Variants in RPH3AL observed in about 807,000 individuals in gnomAD.
RPH3AL encodes the protein rab effector Noc2.
Under a neutral mutation model 43.1 loss-of-function variants are expected in RPH3AL, and 38 were observed. The observed-to-expected ratio is 0.88, with a 90% confidence interval of 0.68 to 1.15. The LOEUF (loss-of-function observed/expected upper bound fraction) is 1.15, where lower values mean the gene tolerates loss of function less well. Ranked by LOEUF, RPH3AL falls within the 50% of genes most tolerant of loss-of-function variation. RPH3AL has a pLI of 0.00. For synonymous variants in RPH3AL, 189 were observed against 176.3 expected (o/e 1.07, Z -0.57); for missense variants, 462 against 423.2 (o/e 1.09, Z -0.81).
intron 9 of RPH3AL, among the ~76,000 whole-genome samples, chr17:214,976 C>G (rs1258221795): frequency 6.6e-6 from 1 of 152,078 alleles, no homozygotes; most frequent in Non-Finnish European, 1.5e-5. Flanking sequence ...CTCCTGGGAG[C>G]CATCGAGTGG....
chr17:286,395 C>G (rs1029356077), intron 5 of RPH3AL, among the ~76,000 whole-genome samples: 4 of 152,000 alleles, frequency 2.6e-5, no homozygotes, highest in African/African-American at 9.7e-5. Flanking sequence ...GGTCAGTTCT[C>G]CACCTCAGCC....
At chr17:280,579 G>A (rs998934083) in intron 6 of RPH3AL, among the ~76,000 whole-genome samples, 3 of 152,108 alleles carry the variant, frequency 2.0e-5, no homozygotes, top group Non-Finnish European at 2.9e-5. Context: ...AGAGAGAAAC[G>A]GACTATTATC....
intron 7 of RPH3AL, among the ~76,000 whole-genome samples, chr17:240,778 G>A (rs962050631): frequency 9.2e-5 from 14 of 152,200 alleles, no homozygotes; most frequent in Middle Eastern, 3.4e-3. Context: ...AATCGTCTTC[G>A]GCCGGGCACG....
At chr17:337,055 G>A (rs1486130840) in intron 1 of RPH3AL, among the ~76,000 whole-genome samples, 1 of 152,162 alleles carries the variant, frequency 6.6e-6, no homozygotes, top group Non-Finnish European at 1.5e-5. Context: ...TACCCCTTCA[G>A]GGGACTAATT....
chr17:329,336 T>C (rs1411285883), intron 2 of RPH3AL, among the ~76,000 whole-genome samples: 2 of 151,766 alleles, frequency 1.3e-5, no homozygotes, highest in African/African-American at 2.4e-5. Flanking sequence ...ATTAGCTGGG[T>C]GTGGTGGCGA....
At position 339,837 on chromosome 17, in the gene RPH3AL, C is replaced by T. The variant is rs929120722; in HGVS notation, c.-212-5903G>A. ...CAGAGTTCCCAGAAACTGTAAGTCG[C>T]GCAGTAATTGGCCAAACGGGAGTTC... On this transcript the variant is annotated intron_variant, in intron 1 of 9. Transcript: ENST00000331302. 3.3e-5 allele frequency among the ~76,000 whole-genome samples: 5 copies of T among 152,290 alleles called. No homozygotes were observed. The East Asian group carries it at 5.8e-4, about 18-fold the overall frequency.
intron 6 of RPH3AL, among the ~76,000 whole-genome samples, chr17:273,144 A>T (rs1267852649): frequency 3.1e-5 from 1 of 32,338 alleles, no homozygotes; most frequent in African/African-American, 8.6e-5. Flanking sequence ...GAGAGACCCC[A>T]GCGAGGGTGA....
chr17:264,081 C>T lies in RPH3AL; in HGVS notation c.439-16796G>A, dbSNP rs2042263440. On this transcript the variant is annotated intron_variant, in intron 6 of 9. Coordinates refer to ENST00000331302, the MANE Select transcript of RPH3AL (RefSeq NM_006987.4). The surrounding 1 kb of genome is among the most constrained non-coding windows in gnomAD (Gnocchi z 4.8). ...TCAAAGCCACGATTTTGGCCGCGTG[C>T]GACAAGCCGGACTCTCCAAGAGCCT... is the stretch of plus-strand genomic sequence containing the variant. 6.6e-6 allele frequency among the ~76,000 whole-genome samples: 1 copy of T among 152,304 alleles called. No homozygotes were observed. The highest frequency in any genetic ancestry group is 2.1e-4 in the South Asian group (1 of 4,822).
chr17:317,954 T>C (rs998092029), intron 5 of RPH3AL, among the ~76,000 whole-genome samples: 26 of 150,640 alleles, frequency 1.7e-4, no homozygotes, highest in Admixed American at 7.9e-4. Context: ...CCTCTGTTGT[T>C]TCTTCCCAGG....
intron 5 of RPH3AL, among the ~76,000 whole-genome samples, chr17:315,208 C>A (rs62053755): frequency 6.8e-4 from 5 of 7,368 alleles, no homozygotes; most frequent in Non-Finnish European, 1.1e-3. Context: ...CACCTCCATT[C>A]ACCTGTAGTC....
chr17:305,306 C>A (rs7406802), intron 5 of RPH3AL, among the ~76,000 whole-genome samples: 149,007 of 151,914 alleles, frequency 0.98, 73,129 homozygotes, highest in East Asian at 1. Flanking sequence ...GTCGAGATGG[C>A]GCGTAACAGC....
rs115464082 is a variant in RPH3AL, at chr17:250,580, T to C, written c.439-3295A>G. ...ACTTCTCAGAGTCTTTACTAAGCTC[T>C]ATCACTGCGGGACCTCTCAGGGCCT... is the stretch of plus-strand genomic sequence containing the variant. On this transcript the variant is annotated intron_variant, in intron 6 of 9. Coordinates refer to ENST00000331302, the MANE Select transcript of RPH3AL (RefSeq NM_006987.4). Among the ~76,000 whole-genome samples, 538 of 59,394 alleles carry C rather than the reference T, an allele frequency of 9.1e-3. 3 individuals carry two copies. Among genetic ancestry groups the C allele is most frequent in the Middle Eastern group, 0.028 (2 of 72 alleles). The allele number at this position is 59,394 out of a possible 152,430, so 39.0% of individuals were successfully genotyped here.
Position 327,365 on chromosome 17 carries a change from A to G in RPH3AL, c.77+102T>C. The G allele has an allele frequency of 4.7e-6, 5 of 1,073,506 alleles. No homozygotes were observed. In the South Asian group the frequency reaches 6.4e-5, roughly 14 times the overall value. 66.5% of individuals were successfully genotyped at this position (1,073,506 alleles called of 1,614,324 possible). ...TGCATCCGACAGGCACCTCTCTCCA[A>G]ACATCTCTTTCTGGGCCCCTGGGAA... is the stretch of plus-strand genomic sequence containing the variant. On this transcript the variant is annotated intron_variant, in intron 3 of 9. Transcript: ENST00000331302.
rs181435139 is a variant in RPH3AL, at chr17:259,025, G to A, written c.439-11740C>T. Among the ~76,000 whole-genome samples the A allele has an allele frequency of 7.8e-4, 119 of 152,166 alleles. No homozygotes were observed. In the East Asian group the frequency reaches 0.021, roughly 27 times the overall value. On this transcript the variant is annotated intron_variant, in intron 6 of 9. Transcript: ENST00000331302. ...GGGCAATAATCCCACAGGCCAGGCA[G>A]GCCACGTGCCTCCCCGGGGCTCTGT... is the stretch of plus-strand genomic sequence containing the variant.
chr17:309,165 C>T (rs971923186), intron 5 of RPH3AL, among the ~76,000 whole-genome samples: 1 of 152,130 alleles, frequency 6.6e-6, no homozygotes, highest in African/African-American at 2.4e-5. Context: ...CGAGGTGGTG[C>T]ATGACTGTGG....
intron 2 of RPH3AL, chr17:332,101 G>A: frequency 5.6e-6 from 2 of 356,426 alleles, no homozygotes. Flanking sequence ...AGAAGACGGA[G>A]GAGATTTTGT....
At chr17:301,900 C>T (rs2043338161) in intron 5 of RPH3AL, among the ~76,000 whole-genome samples, 2 of 152,196 alleles carry the variant, frequency 1.3e-5, no homozygotes, top group Non-Finnish European at 2.9e-5. Flanking sequence ...TGAACACTGC[C>T]TTGCCTTTTG....
intron 7 of RPH3AL, among the ~76,000 whole-genome samples, chr17:237,860 A>G (rs1017287180): frequency 6.6e-6 from 1 of 152,208 alleles, no homozygotes; most frequent in Non-Finnish European, 1.5e-5. Flanking sequence ...CAGAAATGAC[A>G]CAGCAGGCCG....
In RPH3AL at chr17:222,432, C is replaced by T. The variant is rs115605125; in HGVS notation, c.614-2696G>A. ...AACGCACAGTGCAGTCTCACAAATG[C>T]GGAAGGGAACCAGACGGATGGGGCT... On this transcript the variant is annotated intron_variant, in intron 7 of 9. Transcript: ENST00000331302. 2.4e-3 allele frequency among the ~76,000 whole-genome samples: 369 copies of T among 152,202 alleles called. 1 individual carries two copies. Among genetic ancestry groups the T allele is most frequent in the African/African-American group, 8.4e-3 (348 of 41,516 alleles).
Sources: allele counts gnomAD v4.1 joint callset (sites outside exome capture counted in the v4.1 genomes callset), GRCh38; gene constraint gnomAD v4.1.1; non-coding constraint Gnocchi (gnomAD v3.1); transcripts MANE v1.5; gene names NCBI Gene and HGNC (gene_info 2026-07-23, HGNC 2026-07-21).